The following SRPK1 variants were observed in gnomAD, a reference collection of about 807,000 sequenced individuals.
The protein encoded by SRPK1 is SRSF protein kinase 1.
Under a neutral mutation model 89.5 loss-of-function variants are expected in SRPK1, and 52 were observed. That is an observed-to-expected ratio of 0.58 (90% CI 0.46 to 0.73). The LOEUF (loss-of-function observed/expected upper bound fraction) is 0.73, where lower values mean the gene tolerates loss of function less well. Among genes scored for constraint, SRPK1 ranks in the 30% least tolerant of loss-of-function variants. The pLI is 0.00. For synonymous variants in SRPK1, 255 were observed against 270.2 expected (o/e 0.94, Z 0.55); for missense variants, 603 against 780.6 (o/e 0.77, Z 2.71).
rs181555720 is a variant in SRPK1 at position 35,908,908 on chromosome 6, A to G, written c.74+11560T>C. On this transcript the variant is annotated intron_variant, in intron 2 of 15. Coordinates refer to ENST00000373825, the MANE Select transcript of SRPK1 (RefSeq NM_003137.5). ...CACGTGGTGTTGGGCCTGCAGGTGCACAGAAGTCAATAATTGAATCTCTGT... is the reference window on the plus strand; with the variant it reads ...CACGTGGTGTTGGGCCTGCAGGTGCGCAGAAGTCAATAATTGAATCTCTGT... 1.2e-4 allele frequency among the ~76,000 whole-genome samples: 18 copies of G among 152,362 alleles called. No homozygotes were observed. The East Asian group carries it at 3.5e-3, about 29-fold the overall frequency.
intron 3 of SRPK1, among the ~76,000 whole-genome samples, chr6:35,890,526 C>T (rs985217024): frequency 6.6e-6 from 1 of 152,058 alleles, no homozygotes; most frequent in African/African-American, 2.4e-5. Flanking sequence ...ACAGCCATCA[C>T]TATGAGAAAA....
Position 35,908,885 on chromosome 6 carries a change from C to T in SRPK1, c.74+11583G>A, listed in dbSNP as rs556691762. Among the ~76,000 whole-genome samples the T allele has an allele frequency of 7.2e-5, 11 of 152,346 alleles. 1 individual carries two copies. The highest frequency in any genetic ancestry group is 1.3e-4 in the Non-Finnish European group (9 of 68,034). On this transcript the variant is annotated intron_variant, in intron 2 of 15. Coordinates refer to ENST00000373825, the MANE Select transcript of SRPK1 (RefSeq NM_003137.5). ...AAGCCCCAAGCCTTGGCAGCTTCCA[C>T]GTGGTGTTGGGCCTGCAGGTGCACA...
intron 2 of SRPK1, among the ~76,000 whole-genome samples, chr6:35,915,968 TC>T (rs1322880268): frequency 1.3e-5 from 1 of 78,124 alleles, no homozygotes; most frequent in African/African-American, 6.9e-5. Context: ...CGAGACTCTG[TC>T]TCAAAAACAA....
intron 2 of SRPK1, among the ~76,000 whole-genome samples, chr6:35,906,071 G>C (rs7763752): frequency 0.27 from 41,607 of 151,510 alleles, 6,083 homozygotes; most frequent in South Asian, 0.41. Flanking sequence ...TACAAGATAA[G>C]CCTTAGACAT....
At chr6:35,887,199 A>G (rs1289985733) in intron 5 of SRPK1, among the ~76,000 whole-genome samples, 1 of 152,218 alleles carries the variant, frequency 6.6e-6, no homozygotes, top group South Asian at 2.1e-4. Flanking sequence ...CTCAATGAAG[A>G]AAACAGTATG....
At chr6:35,841,903 T>A (rs1023804498) in intron 14 of SRPK1, among the ~76,000 whole-genome samples, 3 of 151,548 alleles carry the variant, frequency 2.0e-5, no homozygotes, top group African/African-American at 7.3e-5. Context: ...ACTCATTTAG[T>A]TATCTGGATG....
intron 6 of SRPK1, among the ~76,000 whole-genome samples, chr6:35,877,423 C>T (rs1408893120): frequency 1.3e-5 from 2 of 152,122 alleles, no homozygotes; most frequent in African/African-American, 2.4e-5. Context: ...TTAAAATAAT[C>T]GATCATGTGA....
At position 35,838,431 on chromosome 6, in the gene SRPK1, TG is replaced by T; in HGVS notation, c.1691-3del. On this transcript the variant is annotated splice_region_variant and splice_polypyrimidine_tract_variant and intron_variant, in intron 14 of 15. Coordinates refer to ENST00000373825, the MANE Select transcript of SRPK1 (RefSeq NM_003137.5). ...GTTCTATGATCAATGCAATGTGATC[TG>T]TATATTTCAAACATTTCAAGAGGGG... is the stretch of plus-strand genomic sequence containing the variant. 1 of 1,577,566 alleles carries T rather than the reference TG, an allele frequency of 6.3e-7. No individual in the cohort carries two copies. Among genetic ancestry groups the T allele is most frequent in the Non-Finnish European group, 8.6e-7 (1 of 1,169,374 alleles).
chr6:35,857,169 T>C, intron 13 of SRPK1, 92 bp downstream of exon 13: 1 of 885,626 alleles, frequency 1.1e-6, no homozygotes, highest in Non-Finnish European at 1.8e-6. Flanking sequence ...TACGTTCTTT[T>C]CTGCTAGTTA....
At chr6:35,873,927 C>T (rs992314362) in intron 7 of SRPK1, among the ~76,000 whole-genome samples, 7 of 151,094 alleles carry the variant, frequency 4.6e-5, no homozygotes, top group Non-Finnish European at 8.9e-5. Flanking sequence ...CCTGGGTTCA[C>T]GCCATTCTCC....
At chr6:35,919,746 G>A (rs1349129571) in intron 2 of SRPK1, among the ~76,000 whole-genome samples, 1 of 152,168 alleles carries the variant, frequency 6.6e-6, no homozygotes, top group Non-Finnish European at 1.5e-5. Context: ...TGATAAAACT[G>A]GACATGTGGC....
chr6:35,889,061 CAGA>C, intron 3 of SRPK1, 138 bp from the exon 4 acceptor site: 1 of 561,384 alleles, frequency 1.8e-6, no homozygotes, highest in African/African-American at 1.9e-5. Flanking sequence ...ATCAATTCAA[CAGA>C]AGAAAATCTT....
intron 6 of SRPK1, among the ~76,000 whole-genome samples, chr6:35,879,685 G>C (rs146287129): frequency 6.6e-6 from 1 of 152,158 alleles, no homozygotes; most frequent in African/African-American, 2.4e-5. Flanking sequence ...GTTAAGTACA[G>C]CATATTCAAA....
intron 13 of SRPK1, among the ~76,000 whole-genome samples, chr6:35,856,617 C>A (rs1376927810): frequency 6.6e-6 from 1 of 152,018 alleles, no homozygotes; most frequent in Non-Finnish European, 1.5e-5. Context: ...TGATTCCTGA[C>A]AATATGGGGC....
intron 12 of SRPK1, among the ~76,000 whole-genome samples, chr6:35,857,578 A>T (rs1328578511): frequency 6.6e-6 from 1 of 152,212 alleles, no homozygotes; most frequent in Non-Finnish European, 1.5e-5. Context: ...TTTACAAACA[A>T]ATGAGCCTAA....
intron 13 of SRPK1, among the ~76,000 whole-genome samples, chr6:35,843,341 A>T (rs1038471024): frequency 6.6e-6 from 1 of 152,032 alleles, no homozygotes; most frequent in South Asian, 2.1e-4. Context: ...AATCAAAAAA[A>T]AAAAAAAATT....
intron 2 of SRPK1, among the ~76,000 whole-genome samples, chr6:35,914,182 G>A (rs947791952): frequency 2.0e-5 from 3 of 151,966 alleles, no homozygotes; most frequent in African/African-American, 7.2e-5. Context: ...TCTCCATGTT[G>A]ATCAGGCTGG....
At chr6:35,872,857 C>A in intron 7 of SRPK1, 129 bp from the exon 8 acceptor site, 2 of 836,878 alleles carry the variant, frequency 2.4e-6, no homozygotes, top group Non-Finnish European at 3.4e-6. Context: ...ATAAAAGCAC[C>A]TTTTAAAAAA....
chr6:35,886,692 A>T (rs768028827), intron 6 of SRPK1, 32 bp downstream of exon 6: 1 of 1,333,858 alleles, frequency 7.5e-7, no homozygotes, highest in South Asian at 1.2e-5. Context: ...GATTGGGATG[A>T]TTTATTCTCA....
Sources: allele counts gnomAD v4.1 joint callset (sites outside exome capture counted in the v4.1 genomes callset), GRCh38; gene constraint gnomAD v4.1.1; transcripts MANE v1.5; gene names NCBI Gene and HGNC (gene_info 2026-07-23, HGNC 2026-07-21).